FUT8: variants seen among roughly 807,000 people sequenced by gnomAD.
The protein encoded by FUT8 is fucosyltransferase 8, also known as alpha-(1,6)-fucosyltransferase.
Under a neutral mutation model 71.3 loss-of-function variants are expected in FUT8, and 29 were observed. The observed-to-expected ratio is 0.41, with a 90% CI of 0.30 to 0.55. FUT8 has a LOEUF of 0.55. Ranked by LOEUF, FUT8 falls within the 20% of genes least tolerant of loss-of-function variation. The pLI is 0.34. For missense variants in FUT8, 544 were observed against 702.1 expected, an observed-to-expected ratio of 0.77 and a Z score of 2.55; for synonymous variants, 254 against 239.3, an observed-to-expected ratio of 1.06 and a Z score of -0.57.
chr14:65,659,776 CTT>C (rs1247350999), intron 6 of FUT8, among the ~76,000 whole-genome samples: 2 of 152,034 alleles, frequency 1.3e-5, no homozygotes, highest in Non-Finnish European at 2.9e-5. Context: ...CTCCTCTCCT[CTT>C]TTCTCTTCTC....
intron 7 of FUT8, among the ~76,000 whole-genome samples, chr14:65,673,950 C>T (rs1259274059): frequency 6.6e-6 from 1 of 152,166 alleles, no homozygotes; most frequent in East Asian, 1.9e-4. Context: ...ATTATACTTT[C>T]AGTCTTTCCT....
intron 2 of FUT8, among the ~76,000 whole-genome samples, chr14:65,471,643 A>G (rs1242983128): frequency 6.6e-6 from 1 of 151,878 alleles, no homozygotes; most frequent in Non-Finnish European, 1.5e-5. Context: ...GCACACTGTG[A>G]TTCTCTATCT....
At chr14:65,431,119 C>G (rs942358606) in intron 1 of FUT8, among the ~76,000 whole-genome samples, 1 of 150,214 alleles carries the variant, frequency 6.7e-6, no homozygotes, top group African/African-American at 2.5e-5. Flanking sequence ...CCTCAGCCTC[C>G]GGAGTAGCTG....
chr14:65,622,084 A>G (rs1471550046), intron 5 of FUT8, among the ~76,000 whole-genome samples: 4 of 152,184 alleles, frequency 2.6e-5, no homozygotes, highest in African/African-American at 9.7e-5. Flanking sequence ...CCAGCCTCTC[A>G]AAGTGCTGGG....
intron 6 of FUT8, among the ~76,000 whole-genome samples, chr14:65,645,031 G>A (rs977229162): frequency 2.0e-5 from 3 of 152,148 alleles, no homozygotes; most frequent in African/African-American, 7.2e-5. Context: ...AAGGACATTT[G>A]TTTATAGTAA....
In FUT8 at chr14:65,599,558, C is replaced by T. The variant is rs182758808; in HGVS notation, c.204-16420C>T. 1.1e-3 allele frequency among the ~76,000 whole-genome samples: 171 copies of T among 152,248 alleles called. 2 individuals carry two copies. Among genetic ancestry groups the T allele is most frequent in the Admixed American group, 0.011 (168 of 15,292 alleles). On this transcript the variant is annotated intron_variant, in intron 3 of 10. Coordinates refer to ENST00000673929, the MANE Select transcript of FUT8 (RefSeq NM_001371533.1). ...AGTTTGGACCTATGTCATATAAAGG[C>T]CTTACAGCTCTGTTTCAGGAAGCCC...
intron 2 of FUT8, among the ~76,000 whole-genome samples, chr14:65,510,080 T>A (rs1882233098): frequency 6.6e-6 from 1 of 152,196 alleles, no homozygotes; most frequent in Non-Finnish European, 1.5e-5. Context: ...CTTTTGTATA[T>A]GGCTTTTATT....
chr14:65,675,875 T>C lies in FUT8; in HGVS notation c.835+6395T>C, dbSNP rs538322989. On this transcript the variant is annotated intron_variant, in intron 7 of 10. Coordinates refer to ENST00000673929, the MANE Select transcript of FUT8 (RefSeq NM_001371533.1). ...AGCCTGGCGTGGTGATGGGCACCTG[T>C]AATCCCAGCTACTCAGGAGGCTGAG... Among the ~76,000 whole-genome samples the C allele has an allele frequency of 2.2e-4, 34 of 151,362 alleles. No individual in the cohort carries two copies. The South Asian group carries it at 7.1e-3, about 32-fold the overall frequency.
chr14:65,702,878 C>G (rs1011444261), intron 7 of FUT8, among the ~76,000 whole-genome samples: 1 of 152,092 alleles, frequency 6.6e-6, no homozygotes, highest in Non-Finnish European at 1.5e-5. Context: ...TCCCAAGTAG[C>G]TGGGACTACA....
chr14:65,366,514 G>A, the FUT8 span, among the ~76,000 whole-genome samples: 3 of 152,304 alleles, frequency 2.0e-5, no homozygotes, highest in East Asian at 5.8e-4. Flanking sequence ...ATATGTTATT[G>A]CTAGGATATG....
At chr14:65,367,028 A>G in the FUT8 span, among the ~76,000 whole-genome samples, 1 of 152,188 alleles carries the variant, frequency 6.6e-6, no homozygotes, top group Non-Finnish European at 1.5e-5. Context: ...CCGATTCCCT[A>G]AGGACTGCAA....
chr14:65,555,735 T>C (rs1885553179), intron 2 of FUT8, among the ~76,000 whole-genome samples: 1 of 152,232 alleles, frequency 6.6e-6, no homozygotes, highest in African/African-American at 2.4e-5. Flanking sequence ...TTGCCCAATA[T>C]CTGAAAACAG....
At chr14:65,493,817 TG>T (rs1179224350) in intron 2 of FUT8, among the ~76,000 whole-genome samples, 3 of 151,792 alleles carry the variant, frequency 2.0e-5, no homozygotes, top group Non-Finnish European at 2.9e-5. Context: ...TTTCTAAGTA[TG>T]ATAGTGTTTG....
At chr14:65,629,004 A>G (rs1890035442) in intron 5 of FUT8, among the ~76,000 whole-genome samples, 1 of 152,094 alleles carries the variant, frequency 6.6e-6, no homozygotes, top group African/African-American at 2.4e-5. Context: ...AAATTTGCTG[A>G]CCCTTGGTTT....
chr14:65,584,336 A>G (rs1474104963), intron 3 of FUT8, among the ~76,000 whole-genome samples: 2 of 151,810 alleles, frequency 1.3e-5, no homozygotes, highest in African/African-American at 4.8e-5. Context: ...CCACCACCAC[A>G]CCTAGCTAAT....
intron 2 of FUT8, among the ~76,000 whole-genome samples, chr14:65,527,271 CT>C (rs918205294): frequency 6.6e-6 from 1 of 152,100 alleles, no homozygotes; most frequent in African/African-American, 2.4e-5. Context: ...TCTTTTTACT[CT>C]TTTTTTGTCT....
intron 2 of FUT8, among the ~76,000 whole-genome samples, chr14:65,464,370 A>T (rs527716124): frequency 2.7e-5 from 4 of 147,126 alleles, no homozygotes; most frequent in Non-Finnish European, 5.9e-5. Context: ...GTTTTACTGC[A>T]TTAGCTAGGA....
At chr14:65,640,814 T>G (rs543135860) in intron 6 of FUT8, among the ~76,000 whole-genome samples, 1 of 152,270 alleles carries the variant, frequency 6.6e-6, no homozygotes, top group South Asian at 2.1e-4. Context: ...CTAGCATAAT[T>G]ATAAATACTC....
intron 7 of FUT8, among the ~76,000 whole-genome samples, chr14:65,689,775 G>A (rs1018866364): frequency 1.2e-4 from 19 of 152,330 alleles, no homozygotes; most frequent in African/African-American, 4.3e-4. Flanking sequence ...CTGACCTCGT[G>A]ATCCGCCCAC....
Sources: gnomAD v4.1 joint callset for allele counts (sites outside exome capture counted in the v4.1 genomes callset) on GRCh38, gnomAD v4.1.1 for gene constraint, MANE v1.5 for transcripts, NCBI Gene and HGNC (gene_info 2026-07-23, HGNC 2026-07-21) for gene names.